Variants in OGDHL observed in about 807,000 individuals in gnomAD.
The protein encoded by OGDHL is oxoglutarate dehydrogenase L.
A neutral mutation model predicts 109.6 loss-of-function variants in OGDHL; 79 were observed. The observed-to-expected ratio is 0.72, with a 90% CI of 0.60 to 0.87. The LOEUF (loss-of-function observed/expected upper bound fraction) is 0.87, where lower values mean the gene tolerates loss of function less well. Ranked by LOEUF, OGDHL falls within the 40% of genes least tolerant of loss-of-function variation. The pLI is 0.00. For missense variants in OGDHL, 1,275 were observed against 1,362.2 expected (o/e 0.94, Z 1.01); for synonymous variants, 528 against 537.2 (o/e 0.98, Z 0.24).
At position 49,758,396 on chromosome 10, in the gene OGDHL, A is replaced by C. The variant is rs754389807; in HGVS notation, c.197T>G (p.Val66Gly). The stretch of plus-strand genomic sequence containing the variant: ...TAGGGTGGGGATGCTGACCTTGTGG[A>C]CACTCTGGGGGTTTTCCAACCAGGC... ...YFAWLENPQS[V>G]HKSWDSFFRE... The change falls in exon 2 of 23, where the codon GTC becomes GGC. Residue 66 changes from valine to glycine, a missense_variant. By Grantham distance (109) the Val-to-Gly change is moderately radical (BLOSUM62 -3). Coordinates refer to ENST00000374103, the MANE Select transcript of OGDHL (RefSeq NM_018245.3). 1 of 1,609,576 alleles carries C rather than the reference A, an allele frequency of 6.2e-7. No individual in the cohort carries two copies. Among genetic ancestry groups the C allele is most frequent in the Non-Finnish European group, 8.5e-7 (1 of 1,177,088 alleles).
intron 3 of OGDHL, 85 bp downstream of exon 3, chr10:49,756,691 G>T: frequency 1.5e-6 from 2 of 1,318,964 alleles, no homozygotes; most frequent in Non-Finnish European, 2.0e-6. Context: ...AGATGATGTT[G>T]GAGCTGAGAC....
upstream of OGDHL, chr10:49,762,377 C>CA (rs1843360937): frequency 6.6e-6 from 1 of 152,184 alleles, no homozygotes; most frequent in South Asian, 2.1e-4. Context: ...GCCCCTGAGA[C>CA]TCCGCGCGTC....
chr10:49,735,319 G>A lies in OGDHL; in HGVS notation c.2942C>T (p.Ala981Val), dbSNP rs779991480. The change falls in exon 23 of 23, where the codon GCC (alanine) becomes GTC (valine). Residue 981 changes from alanine to valine, a missense_variant. Coordinates refer to ENST00000374103, the MANE Select transcript of OGDHL (RefSeq NM_018245.3). ...CAGGTGAGTGTTCCTGTTTCCTGTG[G>A]CTGGTGCAGCCGCTGGGTCCCGGCC... ...YVGRDPAAAP[A>V]TGNRNTHLVS... is the part of the protein sequence containing the mutation. The A allele has an allele frequency of 1.9e-6, 3 of 1,613,908 alleles. No individual in the cohort carries two copies. The South Asian group carries it at 3.3e-5, about 18-fold the overall frequency.
rs528566362 is a variant in OGDHL at position 49,740,747 on chromosome 10, G to C, written c.2103C>G (p.Thr701=). ...NHLWPDQAPY[T]VCNSSLSEYG... The stretch of plus-strand genomic sequence containing the variant: ...ACTCCGAGAGGGAGCTGTTGCACAC[G>C]GTGTACGGGGCCTGGTCAGGCCAGA... The change falls in exon 16 of 23, where the codon ACC becomes ACG. Residue 701 remains threonine, a synonymous_variant. Transcript: ENST00000374103. 1 of 1,613,890 alleles carries C rather than the reference G, an allele frequency of 6.2e-7. No individual in the cohort carries two copies. Among genetic ancestry groups the C allele is most frequent in the Admixed American group, 1.7e-5 (1 of 60,014 alleles).
intron 1 of OGDHL, among the ~76,000 whole-genome samples, 183 bp downstream of exon 1, chr10:49,762,056 C>CAGCCAAGGTCAG (rs1259004890): frequency 6.6e-6 from 1 of 152,168 alleles, no homozygotes; most frequent in Non-Finnish European, 1.5e-5. Flanking sequence ...AGGCCACGGC[C>CAGCCAAGGTCAG]AGCCAAGGTC....
chr10:49,736,482 C>T lies in OGDHL; in HGVS notation c.2629G>A (p.Ala877Thr), dbSNP rs140281439. The T allele has an allele frequency of 1.1e-5, 18 of 1,613,630 alleles. No individual in the cohort carries two copies. The highest frequency in any genetic ancestry group is 5.5e-5 in the South Asian group (5 of 91,090). ...FQRVIPEDGA[A>T]ARAPEQVQRL... ...TGCACCTGCTCAGGGGCCCGTGCTG[C>T]GGCCCCATCTTCAGGAATCACCCGC... Residue 877 changes from alanine to threonine, a missense_variant, in exon 21 of 23, where the codon GCA (alanine) becomes ACA (threonine). Transcript: ENST00000374103.
At chr10:49,746,928 G>A (rs1842231863) in intron 9 of OGDHL, 50 bp from the exon 10 acceptor site, 2 of 1,612,764 alleles carry the variant, frequency 1.2e-6, no homozygotes, top group Non-Finnish European at 8.5e-7. Context: ...AGCCCATGTA[G>A]CCCAGCCGGC....
At chr10:49,745,708 CT>C in intron 11 of OGDHL, 89 bp downstream of exon 11, 1 of 1,472,364 alleles carries the variant, frequency 6.8e-7, no homozygotes, top group Admixed American at 1.8e-5. Flanking sequence ...ACTCCCAGCC[CT>C]GAGTGCTGAA....
rs1309978527 is a variant in OGDHL, at chr10:49,751,819, G to A, written c.749+8C>T. 2 of 1,612,780 alleles carry A rather than the reference G, an allele frequency of 1.2e-6. No individual in the cohort carries two copies. Among genetic ancestry groups the A allele is most frequent in the Non-Finnish European group, 1.7e-6 (2 of 1,179,674 alleles). On this transcript the variant is annotated splice_region_variant and intron_variant, in intron 6 of 22. Coordinates refer to ENST00000374103, the MANE Select transcript of OGDHL (RefSeq NM_018245.3). ...CTCCAGCCACTTGGCCCTCCAGGTG[G>A]TGCCAACCTCATGGAGCGCACTAGC...
At chr10:49,752,891 C>A (rs1467309116) in intron 3 of OGDHL, 151 bp from the exon 4 acceptor site, 6 of 610,590 alleles carry the variant, frequency 9.8e-6, no homozygotes, top group African/African-American at 7.4e-5. Flanking sequence ...CTGCTGCCTG[C>A]GAGACCCCAG....
chr10:49,735,437 G>C, intron 22 of OGDHL, 86 bp from the exon 23 acceptor site: 1 of 1,496,476 alleles, frequency 6.7e-7, no homozygotes, highest in Non-Finnish European at 9.0e-7. Flanking sequence ...CAGGGGGCAC[G>C]CATCTGAGAA....
chr10:49,749,709 C>T lies in OGDHL; in HGVS notation c.987+17G>A. On this transcript the variant is annotated intron_variant, in intron 8 of 22. Coordinates refer to ENST00000374103, the MANE Select transcript of OGDHL (RefSeq NM_018245.3). ...CCCAGCTCTCCAAGGGTGCCGGGAC[C>T]TGGGCATGGCACCCACCTCGTCCGC... 1 of 1,573,470 alleles carries T rather than the reference C, an allele frequency of 6.4e-7. No homozygotes were observed. Among genetic ancestry groups the T allele is most frequent in the Non-Finnish European group, 8.6e-7 (1 of 1,164,912 alleles).
chr10:49,742,717 T>G, intron 15 of OGDHL, 111 bp downstream of exon 15: 4 of 1,367,886 alleles, frequency 2.9e-6, no homozygotes, highest in Non-Finnish European at 3.9e-6. Context: ...GGGCAGGGGC[T>G]AGGGATGCTG....
At chr10:49,744,807 C>A in intron 12 of OGDHL, 55 bp from the exon 13 acceptor site, 1 of 1,393,360 alleles carries the variant, frequency 7.2e-7, no homozygotes, top group South Asian at 1.2e-5. Context: ...CAGCCAGACG[C>A]CCAGTCCACT....
intron 6 of OGDHL, 47 bp downstream of exon 6, chr10:49,751,780 C>T (rs929270836): frequency 6.3e-7 from 1 of 1,598,138 alleles, no homozygotes; most frequent in Non-Finnish European, 8.5e-7. Flanking sequence ...TCTCATAGAG[C>T]CCTGGAGCAG....
At chr10:49,737,565 G>A (rs972201860) in intron 20 of OGDHL, among the ~76,000 whole-genome samples, 3 of 152,216 alleles carry the variant, frequency 2.0e-5, no homozygotes, top group African/African-American at 7.2e-5. Context: ...GGGGGCCCCA[G>A]TGGACTCTAC....
intron 4 of OGDHL, 72 bp from the exon 5 acceptor site, chr10:49,752,320 C>T (rs780647829): frequency 1.5e-4 from 166 of 1,140,742 alleles, no homozygotes; most frequent in South Asian, 6.4e-5. Flanking sequence ...GGTGGAGCCC[C>T]GCAGTCTCAC....
rs924797143 is a variant in OGDHL at position 49,745,869 on chromosome 10, C to T, written c.1405G>A (p.Ala469Thr). 1.2e-6 allele frequency: 2 copies of T among 1,614,224 alleles called. No individual in the cohort carries two copies. Among genetic ancestry groups the T allele is most frequent in the Non-Finnish European group, 1.7e-6 (2 of 1,180,044 alleles). The change falls in exon 11 of 23, where the codon GCT becomes ACT. Residue 469 changes from alanine to threonine, a missense_variant. By Grantham distance (58) the Ala-to-Thr change is moderately conservative. Transcript: ENST00000374103. ...GCCACACTGCACACATATATCACAG[C>T]CTCTGGGTCATCGGCATTCACATGG... is the stretch of plus-strand genomic sequence containing the variant. ...IFHVNADDPE[A>T]VIYVCSVAAE...
intron 15 of OGDHL, 147 bp downstream of exon 15, chr10:49,742,681 G>A: frequency 1.9e-6 from 2 of 1,043,756 alleles, no homozygotes; most frequent in Non-Finnish European, 2.7e-6. Context: ...GGGTCAGCGA[G>A]GTGGCCATCT....
Sources: gnomAD v4.1 joint callset for allele counts (sites outside exome capture counted in the v4.1 genomes callset) on GRCh38, gnomAD v4.1.1 for gene constraint, MANE v1.5 for transcripts, NCBI Gene and HGNC (gene_info 2026-07-23, HGNC 2026-07-21) for gene names.